CSMD1: variants seen among roughly 807,000 people sequenced by gnomAD.
The protein encoded by CSMD1 is CUB and Sushi multiple domains 1, also known as CUB and sushi domain-containing protein 1.
A neutral mutation model predicts 417.5 loss-of-function variants in CSMD1; 213 were observed. The observed-to-expected ratio is 0.51, with a 90% CI of 0.46 to 0.57. The LOEUF (loss-of-function observed/expected upper bound fraction) is 0.57, where lower values mean the gene tolerates loss of function less well. Ranked by LOEUF, CSMD1 falls within the 20% of genes least tolerant of loss-of-function variation. The probability of loss-of-function intolerance (pLI) is 0.00; values close to 1 mark genes in which losing one functional copy is unlikely to be tolerated. For missense variants in CSMD1, 6,923 were observed against 4,529.7 expected (o/e 1.53, Z -15.17); for synonymous variants, 2,862 against 1,736.8 (o/e 1.65, Z -16.11).
intron 3 of CSMD1, among the ~76,000 whole-genome samples, chr8:4,060,959 G>C (rs556873188): frequency 3.3e-5 from 5 of 152,298 alleles, no homozygotes; most frequent in South Asian, 2.1e-4. Flanking sequence ...TGAAAGTGTG[G>C]AGGAAAGAGA....
intron 30 of CSMD1, among the ~76,000 whole-genome samples, chr8:3,208,321 C>T (rs1797417728): frequency 6.6e-6 from 1 of 152,198 alleles, no homozygotes; most frequent in Non-Finnish European, 1.5e-5. Flanking sequence ...GGCTGGAGTG[C>T]AGTGGTGTGA....
chr8:3,975,478 T>G (rs536273847), intron 5 of CSMD1, among the ~76,000 whole-genome samples: 74 of 151,986 alleles, frequency 4.9e-4, no homozygotes, highest in African/African-American at 1.7e-3. Context: ...CACAGTGGAG[T>G]GACACTGTCT....
chr8:3,984,481 T>G (rs1044237732), intron 5 of CSMD1, among the ~76,000 whole-genome samples: 1 of 151,934 alleles, frequency 6.6e-6, no homozygotes, highest in South Asian at 2.1e-4. Context: ...AAAGCAGCAT[T>G]AAATAATGAC....
Position 4,733,013 on chromosome 8 carries a change from C to T in CSMD1, c.86-95455G>A, listed in dbSNP as rs150573304. Reference sequence around the variant, plus strand: ...GGGCTACGCTCCTCTTTCATTTGCACGGTTTCTTTGGAAAAAAAAAAATCC... The same window carrying T: ...GGGCTACGCTCCTCTTTCATTTGCATGGTTTCTTTGGAAAAAAAAAAATCC... On this transcript the variant is annotated intron_variant, in intron 1 of 69. Transcript: ENST00000635120. 1.9e-4 allele frequency among the ~76,000 whole-genome samples: 24 copies of T among 126,340 alleles called. No homozygotes were observed. The East Asian group carries it at 4.4e-3, about 23-fold the overall frequency. The allele number at this position is 126,340 out of a possible 152,430, so 82.9% of individuals were successfully genotyped here. A position where few individuals can be genotyped will look rare whatever the true frequency, so the allele number is the denominator to read the frequency against.
At chr8:3,466,205 C>CT (rs200817990) in intron 12 of CSMD1, among the ~76,000 whole-genome samples, 64 of 146,100 alleles carry the variant, frequency 4.4e-4, no homozygotes, top group African/African-American at 6.0e-4. Context: ...ATTACTAGGA[C>CT]TTTTTTTTTT....
At chr8:3,986,270 A>C (rs1197464426) in intron 5 of CSMD1, among the ~76,000 whole-genome samples, 1 of 152,108 alleles carries the variant, frequency 6.6e-6, no homozygotes. Flanking sequence ...GAGGGCATCA[A>C]CATTCTCTCT....
At chr8:4,249,365 G>A (rs1280071319) in intron 3 of CSMD1, among the ~76,000 whole-genome samples, 1 of 152,202 alleles carries the variant, frequency 6.6e-6, no homozygotes, top group East Asian at 1.9e-4. Context: ...GTCTACGGAT[G>A]TTTCATGTAG....
chr8:3,972,391 C>G (rs987062327), intron 5 of CSMD1, among the ~76,000 whole-genome samples: 2 of 152,144 alleles, frequency 1.3e-5, no homozygotes, highest in African/African-American at 4.8e-5. Flanking sequence ...TATACAAACA[C>G]AAGTATATTA....
chr8:4,252,799 C>T (rs1270214628), intron 3 of CSMD1, among the ~76,000 whole-genome samples: 1 of 152,212 alleles, frequency 6.6e-6, no homozygotes, highest in African/African-American at 2.4e-5. Flanking sequence ...CTCTTCTGTA[C>T]ACTTTCTCCA....
chr8:3,570,372 G>A (rs1164766220), intron 10 of CSMD1, among the ~76,000 whole-genome samples: 3 of 152,150 alleles, frequency 2.0e-5, no homozygotes, highest in Admixed American at 6.5e-5. Flanking sequence ...TTGGCTCCGT[G>A]GCAATTGGAC....
At chr8:4,059,721 C>T (rs2980787) in intron 3 of CSMD1, among the ~76,000 whole-genome samples, 127,474 of 150,422 alleles carry the variant, frequency 0.85, 54,734 homozygotes, top group Admixed American at 0.92. Flanking sequence ...TCGACACCTA[C>T]ACTCTCCCAA....
chr8:3,459,422 A>G (rs951486815), intron 12 of CSMD1, among the ~76,000 whole-genome samples: 1 of 152,188 alleles, frequency 6.6e-6, no homozygotes, highest in South Asian at 2.1e-4. Flanking sequence ...CACCAGTGCC[A>G]CAGGAATATG....
At chr8:4,575,115 G>C (rs767811252) in intron 2 of CSMD1, among the ~76,000 whole-genome samples, 1 of 152,142 alleles carries the variant, frequency 6.6e-6, no homozygotes, top group Non-Finnish European at 1.5e-5. Flanking sequence ...AAGGTGCATA[G>C]TTCATTCTTT....
At chr8:4,290,841 A>T (rs1228508304) in intron 3 of CSMD1, among the ~76,000 whole-genome samples, 1 of 152,200 alleles carries the variant, frequency 6.6e-6, no homozygotes, top group Non-Finnish European at 1.5e-5. Context: ...TCAAAGCAAA[A>T]TGAAAATATC....
chr8:4,132,929 C>A (rs1025662087), intron 3 of CSMD1, among the ~76,000 whole-genome samples: 2 of 151,904 alleles, frequency 1.3e-5, no homozygotes, highest in African/African-American at 4.8e-5. Context: ...TGGTAAAAGT[C>A]ATTTATTTAT....
chr8:4,973,078 G>C (rs1290777352), intron 1 of CSMD1, among the ~76,000 whole-genome samples: 2 of 152,256 alleles, frequency 1.3e-5, no homozygotes, highest in South Asian at 2.1e-4. Flanking sequence ...AATTATAAGA[G>C]TGCTTGGGCA....
intron 3 of CSMD1, among the ~76,000 whole-genome samples, chr8:4,418,753 C>A (rs1217530): frequency 2.0e-5 from 3 of 147,946 alleles, no homozygotes; most frequent in African/African-American, 7.5e-5. Context: ...ATCCACTGAT[C>A]TTCAATTAGC....
Position 2,973,278 on chromosome 8 carries a change from C to T in CSMD1, c.8762G>A (p.Gly2921Asp). ...HCTGNNPGFCGDPGTPAHGSR... is the reference protein window; with the variant it reads ...HCTGNNPGFCDDPGTPAHGSR... ...CCCATGTGCTGGGGTCCCCGGATCA[C>T]CACAGAATCCAGGATTATTTCCTAT... The change falls in exon 57 of 70, where the codon GGT becomes GAT. Residue 2921 changes from glycine to aspartate, a missense_variant. By Grantham distance (94) the Gly-to-Asp change is moderately conservative. Transcript: ENST00000635120. 6.2e-7 allele frequency: 1 copy of T among 1,613,906 alleles called. No individual in the cohort carries two copies.
intron 5 of CSMD1, among the ~76,000 whole-genome samples, chr8:3,914,368 G>C (rs527466404): frequency 5.5e-4 from 84 of 152,264 alleles, no homozygotes; most frequent in African/African-American, 2.0e-3. Context: ...ACGTTGGATA[G>C]ATGTAAAAAC....
Sources: gnomAD v4.1 joint callset for allele counts (sites outside exome capture counted in the v4.1 genomes callset) on GRCh38, gnomAD v4.1.1 for gene constraint, MANE v1.5 for transcripts, NCBI Gene and HGNC (gene_info 2026-07-23, HGNC 2026-07-21) for gene names.